ADCY2: variants seen among roughly 807,000 people sequenced by gnomAD.
ADCY2 encodes the protein adenylate cyclase 2, also known as adenylate cyclase type 2.
A neutral mutation model predicts 125.2 loss-of-function variants in ADCY2; 31 were observed. The observed-to-expected ratio is 0.25, with a 90% CI of 0.19 to 0.33. The LOEUF (loss-of-function observed/expected upper bound fraction) is 0.33. Among genes scored for constraint, ADCY2 ranks in the 10% least tolerant of loss-of-function variants. ADCY2 has a pLI of 1.00. For synonymous variants in ADCY2, 512 were observed against 548.4 expected, an observed-to-expected ratio of 0.93 and a Z score of 0.93; for missense variants, 904 against 1,418.2, an observed-to-expected ratio of 0.64 and a Z score of 5.82.
At chr5:7,440,322 A>G (rs1469754352) in intron 2 of ADCY2, among the ~76,000 whole-genome samples, 1 of 152,240 alleles carries the variant, frequency 6.6e-6, no homozygotes, top group Non-Finnish European at 1.5e-5. Flanking sequence ...ACAGGGAGCT[A>G]GATGATTCAC....
intron 4 of ADCY2, among the ~76,000 whole-genome samples, chr5:7,638,958 A>T (rs1423843110): frequency 6.6e-6 from 1 of 152,038 alleles, no homozygotes; most frequent in Non-Finnish European, 1.5e-5. Context: ...ATGAGATCTG[A>T]TGGTTTTAAA....
At position 7,589,157 on chromosome 5, in the gene ADCY2, T is replaced by C. The variant is rs528075216; in HGVS notation, c.571-37010T>C. Among the ~76,000 whole-genome samples the C allele has an allele frequency of 3.3e-4, 50 of 152,246 alleles. No individual in the cohort carries two copies. In the South Asian group the frequency reaches 0.01, roughly 31 times the overall value. On this transcript the variant is annotated intron_variant, in intron 3 of 24. Transcript: ENST00000338316. ...ATAATTGCACAATAACCTTGACCATTACAAAAATTAATAGCATTAAATTGC... is the reference window on the plus strand; with the variant it reads ...ATAATTGCACAATAACCTTGACCATCACAAAAATTAATAGCATTAAATTGC...
chr5:7,691,012 G>A, intron 5 of ADCY2, 173 bp downstream of exon 5: 1 of 642,542 alleles, frequency 1.6e-6, no homozygotes, highest in Admixed American at 4.1e-5. Flanking sequence ...GCCTCTCAGG[G>A]CCTTCACATT....
At chr5:7,675,927 T>C (rs1477272539) in intron 4 of ADCY2, among the ~76,000 whole-genome samples, 1 of 152,234 alleles carries the variant, frequency 6.6e-6, no homozygotes, top group Non-Finnish European at 1.5e-5. Flanking sequence ...AGCGAGTGTA[T>C]AGTTTTCCCG....
intron 3 of ADCY2, among the ~76,000 whole-genome samples, chr5:7,529,453 T>A (rs1360054846): frequency 6.6e-6 from 1 of 152,200 alleles, no homozygotes; most frequent in Non-Finnish European, 1.5e-5. Context: ...ATAATGTGCA[T>A]CAATTTTTAC....
intron 24 of ADCY2, among the ~76,000 whole-genome samples, chr5:7,821,384 T>G (rs1295173901): frequency 1.3e-5 from 2 of 152,214 alleles, no homozygotes; most frequent in East Asian, 3.8e-4. Context: ...AGAACTATGC[T>G]GAAACTATCC....
Position 7,558,062 on chromosome 5 carries a change from T to A in ADCY2, c.570+37163T>A, listed in dbSNP as rs541344810. 5.9e-3 allele frequency among the ~76,000 whole-genome samples: 903 copies of A among 152,150 alleles called. 7 individuals carry two copies. The highest frequency in any genetic ancestry group is 0.01 in the Non-Finnish European group (689 of 67,994). The stretch of plus-strand genomic sequence containing the variant: ...TTTGTTTTGTTTTTGGTTTTATTTT[T>A]TTTTTTTTGAGATGGAGTCTCACTC... On this transcript the variant is annotated intron_variant, in intron 3 of 24. Coordinates refer to ENST00000338316, the MANE Select transcript of ADCY2 (RefSeq NM_020546.3).
intron 4 of ADCY2, among the ~76,000 whole-genome samples, chr5:7,667,816 C>T (rs530855871): frequency 2.0e-5 from 3 of 152,292 alleles, no homozygotes; most frequent in African/African-American, 7.2e-5. Context: ...ACGTTCTAAG[C>T]GTTGATGGTG....
At chr5:7,660,345 C>T (rs77187400) in intron 4 of ADCY2, among the ~76,000 whole-genome samples, 3,875 of 151,902 alleles carry the variant, frequency 0.026, 78 homozygotes, top group Non-Finnish European at 0.036. Context: ...TTGAGCTGCT[C>T]AGATCCTTCT....
chr5:7,616,805 T>A (rs539175843), intron 3 of ADCY2, among the ~76,000 whole-genome samples: 1 of 152,318 alleles, frequency 6.6e-6, no homozygotes, highest in African/African-American at 2.4e-5. Flanking sequence ...GTGACTGTAT[T>A]TAAACAAAGG....
At chr5:7,469,496 GGAGA>G (rs987889770) in intron 2 of ADCY2, among the ~76,000 whole-genome samples, 3 of 151,662 alleles carry the variant, frequency 2.0e-5, no homozygotes, top group Non-Finnish European at 3.0e-5. Context: ...ATATATAGAG[GGAGA>G]GAGAGTATAT....
chr5:7,433,954 A>G (rs1740703508), intron 2 of ADCY2, among the ~76,000 whole-genome samples: 1 of 152,248 alleles, frequency 6.6e-6, no homozygotes, highest in South Asian at 2.1e-4. Flanking sequence ...ATTAAAATAC[A>G]AATTAGTTAA....
chr5:7,396,476 C>T lies in ADCY2; in HGVS notation c.180C>T (p.Ala60=). ...LLLIVMGSCL[A]LLAVFFALGL... ...TCATCGTCATGGGCTCCTGCCTCGC[C>T]CTGCTCGCCGTCTTCTTCGCGCTCG... Residue 60 remains alanine, a synonymous_variant, in exon 1 of 25, where the codon GCC becomes GCT. Transcript: ENST00000338316. The surrounding 1 kb of genome is among the most constrained non-coding windows in gnomAD (Gnocchi z 5.7). 1 of 1,570,564 alleles carries T rather than the reference C, an allele frequency of 6.4e-7. No individual in the cohort carries two copies. Among genetic ancestry groups the T allele is most frequent in the Non-Finnish European group, 8.6e-7 (1 of 1,159,052 alleles).
intron 24 of ADCY2, among the ~76,000 whole-genome samples, chr5:7,821,208 C>T (rs1745288934): frequency 6.6e-6 from 1 of 152,180 alleles, no homozygotes; most frequent in Non-Finnish European, 1.5e-5. Flanking sequence ...AAATGAAAAG[C>T]AGTGGTTGGA....
chr5:7,623,984 A>G (rs1320016226), intron 3 of ADCY2, among the ~76,000 whole-genome samples: 3 of 152,206 alleles, frequency 2.0e-5, no homozygotes, highest in Non-Finnish European at 4.4e-5. Context: ...TATGGGGGTT[A>G]GCTCTAAGAA....
intron 2 of ADCY2, among the ~76,000 whole-genome samples, chr5:7,514,598 A>G (rs969831575): frequency 1.1e-4 from 17 of 152,210 alleles, no homozygotes; most frequent in Non-Finnish European, 1.5e-4. Context: ...GTACTTGTGA[A>G]TGTGACCCTT....
chr5:7,396,220 G>A lies in ADCY2; in HGVS notation c.-77G>A. The A allele has an allele frequency of 2.4e-6, 2 of 833,060 alleles. No homozygotes were observed. Among genetic ancestry groups the A allele is most frequent in the South Asian group, 5.4e-5 (1 of 18,452 alleles). The allele number at this position is 833,060 out of a possible 1,614,324, so 51.6% of individuals were successfully genotyped here. A position where few individuals can be genotyped will look rare whatever the true frequency, so the allele number is the denominator to read the frequency against. ...GCCGGGCCGGCCGAGGCGGCGCGGGGGTGGGACGCGGGCGGCCGCGGCGAG... is the reference window on the plus strand; with the variant it reads ...GCCGGGCCGGCCGAGGCGGCGCGGGAGTGGGACGCGGGCGGCCGCGGCGAG... On this transcript the variant is annotated 5_prime_UTR_variant, in exon 1 of 25. Transcript: ENST00000338316. The surrounding 1 kb of genome is among the most constrained non-coding windows in gnomAD (Gnocchi z 5.7).
chr5:7,823,510 G>C (rs550717965), intron 24 of ADCY2, among the ~76,000 whole-genome samples: 4 of 152,130 alleles, frequency 2.6e-5, no homozygotes, highest in Non-Finnish European at 5.9e-5. Flanking sequence ...CAAGGCTTCC[G>C]GGACTTTCTG....
intron 2 of ADCY2, among the ~76,000 whole-genome samples, chr5:7,496,910 A>G (rs1743364522): frequency 6.6e-6 from 1 of 152,162 alleles, no homozygotes; most frequent in African/African-American, 2.4e-5. Context: ...AATGGTCAGA[A>G]TTTCCTTGGC....
Sources: allele counts gnomAD v4.1 joint callset (sites outside exome capture counted in the v4.1 genomes callset), GRCh38; gene constraint gnomAD v4.1.1; non-coding constraint Gnocchi (gnomAD v3.1); transcripts MANE v1.5; gene names NCBI Gene and HGNC (gene_info 2026-07-23, HGNC 2026-07-21).